The following SLC26A7 variants were observed in gnomAD, a reference collection of about 807,000 sequenced individuals.
SLC26A7 encodes solute carrier family 26 member 7, also known as anion exchange transporter.
A neutral mutation model predicts 82.5 loss-of-function variants in SLC26A7; 59 were observed. That is an observed-to-expected ratio of 0.72 (90% CI 0.58 to 0.89). The LOEUF is 0.89. SLC26A7 is among the 40% of genes least tolerant of loss of function. The pLI, the probability that SLC26A7 is intolerant of heterozygous loss-of-function variation, is 0.00. For synonymous variants in SLC26A7, 271 were observed against 274.3 expected (o/e 0.99, Z 0.12); for missense variants, 820 against 793.0 (o/e 1.03, Z -0.41).
chr8:91,379,061 TA>T (rs146438125), intron 15 of SLC26A7, among the ~76,000 whole-genome samples: 7,915 of 151,722 alleles, frequency 0.052, 233 homozygotes, highest in Middle Eastern at 0.09. Context: ...ACAGTATCTT[TA>T]AAAAAAATCA....
intron 4 of SLC26A7, among the ~76,000 whole-genome samples, chr8:91,298,077 T>C (rs376761367): frequency 3.3e-5 from 5 of 152,306 alleles, no homozygotes; most frequent in East Asian, 1.9e-4. Flanking sequence ...CAGGAAGTTA[T>C]AGAAGTAAGT....
chr8:91,367,233 T>C (rs895203464), intron 14 of SLC26A7, among the ~76,000 whole-genome samples: 9 of 152,156 alleles, frequency 5.9e-5, no homozygotes, highest in African/African-American at 1.7e-4. Context: ...TGGTCTCGAT[T>C]TCCTGACCTC....
At chr8:91,308,661 A>T (rs1311818131) in intron 4 of SLC26A7, among the ~76,000 whole-genome samples, 1 of 152,154 alleles carries the variant, frequency 6.6e-6, no homozygotes, top group African/African-American at 2.4e-5. Flanking sequence ...TGTCTGCATA[A>T]ATTACTGGAA....
intron 5 of SLC26A7, among the ~76,000 whole-genome samples, chr8:91,323,358 G>A (rs1046251928): frequency 6.6e-6 from 1 of 152,130 alleles, no homozygotes; most frequent in African/African-American, 2.4e-5. Flanking sequence ...CTAAATCAGA[G>A]AGCAAATATT....
intron 6 of SLC26A7, among the ~76,000 whole-genome samples, chr8:91,335,068 A>G (rs1813203259): frequency 6.6e-6 from 1 of 152,184 alleles, no homozygotes; most frequent in Non-Finnish European, 1.5e-5. Flanking sequence ...ACTCTTAACT[A>G]TACAAAGCAT....
chr8:91,339,879 T>C (rs1457437661), intron 7 of SLC26A7, among the ~76,000 whole-genome samples: 1 of 152,140 alleles, frequency 6.6e-6, no homozygotes, highest in Non-Finnish European at 1.5e-5. Flanking sequence ...TTTTTCTTAA[T>C]GGATGTAAGG....
intron 5 of SLC26A7, among the ~76,000 whole-genome samples, chr8:91,330,518 G>A (rs1813051266): frequency 6.6e-6 from 1 of 152,110 alleles, no homozygotes; most frequent in East Asian, 1.9e-4. Context: ...AAAGGACAAA[G>A]AACACAAAAA....
chr8:91,352,033 G>A, intron 10 of SLC26A7, 146 bp downstream of exon 10: 1 of 702,628 alleles, frequency 1.4e-6, no homozygotes. Context: ...GGGAGGTGTG[G>A]AAAGCTACCA....
chr8:91,268,974 A>G (rs1033038136), intron 2 of SLC26A7, among the ~76,000 whole-genome samples: 4 of 151,882 alleles, frequency 2.6e-5, no homozygotes, highest in African/African-American at 9.7e-5. Flanking sequence ...CAAACTTTGT[A>G]CTTTTATACC....
At chr8:91,355,597 C>A (rs1157663276) in intron 11 of SLC26A7, among the ~76,000 whole-genome samples, 1 of 151,736 alleles carries the variant, frequency 6.6e-6, no homozygotes, top group Non-Finnish European at 1.5e-5. Flanking sequence ...AGGCTGCTTG[C>A]TTTTTATCTC....
At chr8:91,328,109 G>C (rs1586415060) in intron 5 of SLC26A7, among the ~76,000 whole-genome samples, 2 of 152,104 alleles carry the variant, frequency 1.3e-5, no homozygotes, top group East Asian at 3.9e-4. Flanking sequence ...TTTAATACTT[G>C]TTAATATTTT....
chr8:91,291,694 AT>A (rs1386894640), intron 3 of SLC26A7, among the ~76,000 whole-genome samples: 2 of 152,250 alleles, frequency 1.3e-5, no homozygotes, highest in Non-Finnish European at 2.9e-5. Context: ...TTTTACAGAT[AT>A]TTAACTGAAT....
intron 1 of SLC26A7, among the ~76,000 whole-genome samples, chr8:91,214,627 A>G (rs916569818): frequency 6.6e-6 from 1 of 152,106 alleles, no homozygotes; most frequent in Non-Finnish European, 1.5e-5. Context: ...TAATTTCCTC[A>G]TTTGGACAAT....
In SLC26A7 at chr8:91,377,583, G is replaced by T. The variant is rs373302823; in HGVS notation, c.1675+7750G>T. 3.9e-5 allele frequency among the ~76,000 whole-genome samples: 6 copies of T among 152,306 alleles called. No homozygotes were observed. The East Asian group carries it at 7.7e-4, about 20-fold the overall frequency. The stretch of plus-strand genomic sequence containing the variant: ...TATGGTGCCATCTTAGCTTAGATCT[G>T]AGGATAGTGAGGGCACACATGTGTG... On this transcript the variant is annotated intron_variant, in intron 15 of 18. Coordinates refer to ENST00000276609, the MANE Select transcript of SLC26A7 (RefSeq NM_052832.4).
intron 11 of SLC26A7, among the ~76,000 whole-genome samples, chr8:91,358,204 A>G (rs967099650): frequency 6.6e-6 from 1 of 152,204 alleles, no homozygotes; most frequent in African/African-American, 2.4e-5. Context: ...CCGTGTGGCA[A>G]TTCTTCAGGG....
chr8:91,294,419 TAGTA>T (rs1296689259), intron 3 of SLC26A7, among the ~76,000 whole-genome samples: 2 of 152,128 alleles, frequency 1.3e-5, no homozygotes, highest in African/African-American at 4.8e-5. Context: ...CTCTCTTATC[TAGTA>T]AGACCAAGTA....
intron 18 of SLC26A7, 115 bp from the exon 19 acceptor site, chr8:91,394,947 C>T: frequency 8.0e-7 from 1 of 1,243,502 alleles, no homozygotes. Context: ...ATAAAAGGTT[C>T]ATTTTCTTTG....
chr8:91,256,782 A>T (rs1563646304), intron 2 of SLC26A7, among the ~76,000 whole-genome samples: 1 of 152,186 alleles, frequency 6.6e-6, no homozygotes, highest in Non-Finnish European at 1.5e-5. Flanking sequence ...TGTGTTACAT[A>T]AATTATTTCA....
chr8:91,336,407 C>G (rs1813242493), intron 6 of SLC26A7, among the ~76,000 whole-genome samples: 1 of 152,076 alleles, frequency 6.6e-6, no homozygotes, highest in African/African-American at 2.4e-5. Context: ...AACACGAACC[C>G]TGTTGTGAAC....
Sources: allele counts gnomAD v4.1 joint callset (sites outside exome capture counted in the v4.1 genomes callset), GRCh38; gene constraint gnomAD v4.1.1; transcripts MANE v1.5; gene names NCBI Gene and HGNC (gene_info 2026-07-23, HGNC 2026-07-21).